The following KCNN3 variants were observed in gnomAD, a reference collection of about 807,000 sequenced individuals.
KCNN3 encodes potassium calcium-activated channel subfamily N member 3.
KCNN3 carries 16 observed loss-of-function variants against 62.9 expected under a neutral mutation model. The ratio of observed to expected loss-of-function variants is 0.25; its 90% CI spans 0.17 to 0.39. The LOEUF (loss-of-function observed/expected upper bound fraction) is 0.39. KCNN3 is among the 10% of genes least tolerant of loss of function. The pLI is 1.00. For synonymous variants in KCNN3, 370 were observed against 389.2 expected, an observed-to-expected ratio of 0.95 and a Z score of 0.58; for missense variants, 599 against 949.4, an observed-to-expected ratio of 0.63 and a Z score of 4.85.
intron 2 of KCNN3, among the ~76,000 whole-genome samples, chr1:154,785,572 CTTTTTTTTTTTTTTTTTTT>C (rs59033291): frequency 2.8e-5 from 3 of 107,980 alleles, no homozygotes; most frequent in African/African-American, 3.8e-5. Context: ...TTTTCTTTTT[CTTTTTTTTTTTTTTTTTTT>C]TTTTTTTTGA....
At chr1:154,742,487 T>G (rs758593021) in intron 3 of KCNN3, among the ~76,000 whole-genome samples, 4 of 152,172 alleles carry the variant, frequency 2.6e-5, no homozygotes, top group Non-Finnish European at 5.9e-5. Context: ...AGAGAGTTAC[T>G]GTGAGGGTTA....
intron 1 of KCNN3, among the ~76,000 whole-genome samples, chr1:154,861,345 G>C (rs1233607551): frequency 6.6e-6 from 1 of 152,116 alleles, no homozygotes; most frequent in Non-Finnish European, 1.5e-5. Flanking sequence ...CAGCCCTGGT[G>C]GTTACTGATG....
intron 5 of KCNN3, among the ~76,000 whole-genome samples, chr1:154,722,378 G>A (rs1700368594): frequency 1.4e-5 from 2 of 141,324 alleles, no homozygotes; most frequent in Non-Finnish European, 3.0e-5. Flanking sequence ...AATAGACTGA[G>A]CTTAGCATTT....
In KCNN3 at chr1:154,836,835, C is replaced by T. The variant is rs182522316; in HGVS notation, c.934-14651G>A. ...GCTCAGGGCTGCTTCATGGCACAGT[C>T]GGGGTCCTTTCTGTCTCTCTGCTCC... On this transcript the variant is annotated intron_variant, in intron 1 of 7. Coordinates refer to ENST00000271915, the MANE Select transcript of KCNN3 (RefSeq NM_002249.6). 3.7e-3 allele frequency among the ~76,000 whole-genome samples: 557 copies of T among 152,326 alleles called. 3 individuals are homozygous for T. Among genetic ancestry groups the T allele is most frequent in the Middle Eastern group, 0.027 (8 of 294 alleles).
chr1:154,827,582 T>A (rs1310021015), intron 1 of KCNN3, among the ~76,000 whole-genome samples: 1 of 152,150 alleles, frequency 6.6e-6, no homozygotes, highest in Non-Finnish European at 1.5e-5. Flanking sequence ...GTGGATCACT[T>A]GAGGTCGGGA....
chr1:154,782,937 G>T (rs1455367397), intron 2 of KCNN3, among the ~76,000 whole-genome samples: 3 of 152,226 alleles, frequency 2.0e-5, no homozygotes, highest in African/African-American at 4.8e-5. Context: ...ACTCGGCTGG[G>T]CGCGGAGGCT....
At chr1:154,841,558 G>A (rs116466876) in intron 1 of KCNN3, among the ~76,000 whole-genome samples, 135 of 152,268 alleles carry the variant, frequency 8.9e-4, no homozygotes, top group Middle Eastern at 3.4e-3. Flanking sequence ...GAAACTCAGA[G>A]AGGTTAAGTC....
chr1:154,828,697 C>T (rs1218551), intron 1 of KCNN3, among the ~76,000 whole-genome samples: 109,681 of 152,096 alleles, frequency 0.72, 40,263 homozygotes, highest in East Asian at 0.93. Flanking sequence ...ATCATGCATA[C>T]GAAAAATCTC....
At chr1:154,815,894 G>T (rs775059924) in intron 2 of KCNN3, among the ~76,000 whole-genome samples, 1 of 152,020 alleles carries the variant, frequency 6.6e-6, no homozygotes, top group Middle Eastern at 3.2e-3. Context: ...TTAGCGGTGG[G>T]ACCCCAAAGC....
intron 3 of KCNN3, among the ~76,000 whole-genome samples, chr1:154,740,527 T>C (rs531046655): frequency 4.2e-4 from 64 of 152,364 alleles, no homozygotes; most frequent in South Asian, 1.2e-3. Context: ...GTTTGCTGGT[T>C]TGTAGGATAT....
At chr1:154,845,250 C>G (rs1210344972) in intron 1 of KCNN3, among the ~76,000 whole-genome samples, 1 of 152,156 alleles carries the variant, frequency 6.6e-6, no homozygotes. Context: ...AACTTGACAC[C>G]CAGATAAAAC....
chr1:154,798,616 G>T (rs1457315888), intron 2 of KCNN3, among the ~76,000 whole-genome samples: 2 of 152,206 alleles, frequency 1.3e-5, no homozygotes, highest in Admixed American at 1.3e-4. Context: ...GCAAAGAAAA[G>T]AGCTGACATT....
At chr1:154,776,692 T>C (rs1352991491) in intron 2 of KCNN3, among the ~76,000 whole-genome samples, 2 of 152,216 alleles carry the variant, frequency 1.3e-5, no homozygotes, top group Non-Finnish European at 1.5e-5. Context: ...TCCCATTCAT[T>C]CCTAACAAAG....
At position 154,726,873 on chromosome 1, in the gene KCNN3, A is replaced by G. The variant is rs114885494; in HGVS notation, c.1591-847T>C. On this transcript the variant is annotated intron_variant, in intron 4 of 7. Coordinates refer to ENST00000271915, the MANE Select transcript of KCNN3 (RefSeq NM_002249.6). ...AGGGGAGCCCGGGGGAGGGTGGGCA[A>G]GGAAGCAGGCTCTGCTGAGCCCCCA... Among the ~76,000 whole-genome samples, 635 of 152,298 alleles carry G rather than the reference A, an allele frequency of 4.2e-3. 3 individuals carry two copies. The highest frequency in any genetic ancestry group is 0.014 in the African/African-American group (592 of 41,550).
chr1:154,843,889 C>A (rs915594756), intron 1 of KCNN3, among the ~76,000 whole-genome samples: 1 of 152,064 alleles, frequency 6.6e-6, no homozygotes, highest in Non-Finnish European at 1.5e-5. Context: ...CATGGAGGGG[C>A]GGCTGTGAGA....
At chr1:154,814,923 A>G (rs1650596478) in intron 2 of KCNN3, among the ~76,000 whole-genome samples, 1 of 152,152 alleles carries the variant, frequency 6.6e-6, no homozygotes, top group African/African-American at 2.4e-5. Flanking sequence ...CACATTCCCC[A>G]TTTTCAATTT....
At chr1:154,727,011 A>C (rs1159233962) in intron 4 of KCNN3, among the ~76,000 whole-genome samples, 1 of 152,118 alleles carries the variant, frequency 6.6e-6, no homozygotes, top group Non-Finnish European at 1.5e-5. Flanking sequence ...GCATTTTAAA[A>C]TCCTCTTCGC....
intron 2 of KCNN3, among the ~76,000 whole-genome samples, chr1:154,815,011 C>G (rs1438611639): frequency 6.6e-6 from 1 of 152,198 alleles, no homozygotes; most frequent in East Asian, 1.9e-4. Flanking sequence ...GCAGAGGAGG[C>G]CCCCATCTGG....
intron 2 of KCNN3, among the ~76,000 whole-genome samples, chr1:154,794,418 C>G (rs1218284007): frequency 1.3e-5 from 2 of 152,188 alleles, no homozygotes; most frequent in African/African-American, 2.4e-5. Context: ...GGGAGAGACT[C>G]TCTTTGGCTC....
Sources: gnomAD v4.1 joint callset for allele counts (sites outside exome capture counted in the v4.1 genomes callset) on GRCh38, gnomAD v4.1.1 for gene constraint, MANE v1.5 for transcripts, NCBI Gene and HGNC (gene_info 2026-07-23, HGNC 2026-07-21) for gene names.